NET1: variants seen among roughly 807,000 people sequenced by gnomAD.
The protein encoded by NET1 is neuroepithelial cell transforming 1, also known as neuroepithelial cell-transforming gene 1 protein.
Under a neutral mutation model 61.1 loss-of-function variants are expected in NET1, and 42 were observed. The observed-to-expected ratio is 0.69, with a 90% CI of 0.54 to 0.89. The LOEUF is 0.89. Among genes scored for constraint, NET1 ranks in the 40% least tolerant of loss-of-function variants. NET1 has a pLI of 0.00. For missense variants in NET1, 654 were observed against 747.3 expected (o/e 0.88, Z 1.46); for synonymous variants, 254 against 281.8 (o/e 0.90, Z 0.99).
rs1464377291 is a variant in NET1, at chr10:5,427,110, A to G, written c.195+389A>G. ...TGCACATTGTGTATATATATTTAATATATATAATGAATGATTTTCTGCTAT... is the reference window on the plus strand; with the variant it reads ...TGCACATTGTGTATATATATTTAATGTATATAATGAATGATTTTCTGCTAT... On this transcript the variant is annotated intron_variant, in intron 2 of 11. Transcript: ENST00000355029. The surrounding 1 kb of genome is among the most constrained non-coding windows in gnomAD (Gnocchi z 4.1). 6.6e-6 allele frequency among the ~76,000 whole-genome samples: 1 copy of G among 151,870 alleles called. No homozygotes were observed. Among genetic ancestry groups the G allele is most frequent in the East Asian group, 1.9e-4 (1 of 5,194 alleles).
intron 3 of NET1, among the ~76,000 whole-genome samples, chr10:5,436,182 TGTGTTGTGTGTGTGTGTG>T (rs1257941063): frequency 9.0e-5 from 5 of 55,300 alleles, no homozygotes; most frequent in African/African-American, 2.0e-4. Context: ...TGTGTGTGTG[TGTGTTGTGTGTGTGTGTG>T]TGTGTGTGTG....
intron 1 of NET1, among the ~76,000 whole-genome samples, chr10:5,419,570 A>C (rs566088027): frequency 6.6e-6 from 1 of 152,178 alleles, no homozygotes; most frequent in African/African-American, 2.4e-5. Flanking sequence ...CACTGCTTTT[A>C]CTAGGCTTTT....
In NET1 at chr10:5,454,611, A is replaced by G. The variant is rs749346073; in HGVS notation, c.1026+89A>G. 54 of 1,430,300 alleles carry G rather than the reference A, an allele frequency of 3.8e-5. No homozygotes were observed. Among genetic ancestry groups the G allele is most frequent in the Non-Finnish European group, 4.8e-5 (51 of 1,053,566 alleles). The allele number at this position is 1,430,300 out of a possible 1,614,324, so 88.6% of individuals were successfully genotyped here. On this transcript the variant is annotated intron_variant, in intron 9 of 11. Transcript: ENST00000355029. The surrounding 1 kb of genome is among the most constrained non-coding windows in gnomAD (Gnocchi z 8.1). ...TTATCTTCTGAAGATGCTGATTCAC[A>G]TCAGCATAGTGAATTGTTTTGTTGT...
Position 5,437,649 on chromosome 10 carries a change from ACT to A in NET1, c.255+8423_255+8424del, listed in dbSNP as rs1420969508. Among the ~76,000 whole-genome samples the A allele has an allele frequency of 1.5e-5, 2 of 133,362 alleles. No individual in the cohort carries two copies. The highest frequency in any genetic ancestry group is 5.6e-5 in the African/African-American group (2 of 35,432). 87.5% of individuals were successfully genotyped at this position (133,362 alleles called of 152,430 possible). A position where few individuals can be genotyped will look rare whatever the true frequency, so the allele number is the denominator to read the frequency against. ...TATTCATAACCGAGTACCCTTTTCA[ACT>A]CTGTATTTTCCCTAGTATTTTTTTT... On this transcript the variant is annotated intron_variant, in intron 3 of 11. Coordinates refer to ENST00000355029, the MANE Select transcript of NET1 (RefSeq NM_001047160.3). This position sits in a 1 kb window ranked among gnomAD's most constrained non-coding sequence, Gnocchi z 4.3.
At position 5,422,828 on chromosome 10, in the gene NET1, C is replaced by T. The variant is rs1832197847; in HGVS notation, c.129-3827C>T. On this transcript the variant is annotated intron_variant, in intron 1 of 11. Coordinates refer to ENST00000355029, the MANE Select transcript of NET1 (RefSeq NM_001047160.3). The surrounding 1 kb of genome is among the most constrained non-coding windows in gnomAD (Gnocchi z 4.1). Reference sequence around the variant, plus strand: ...CCAAAACAGTAGTGGATGTCTACTACATCAGATATTTGACCCAAATAAATG... The same window carrying T: ...CCAAAACAGTAGTGGATGTCTACTATATCAGATATTTGACCCAAATAAATG... Among the ~76,000 whole-genome samples the T allele has an allele frequency of 6.6e-6, 1 of 152,190 alleles. No individual in the cohort carries two copies. The highest frequency in any genetic ancestry group is 2.4e-5 in the African/African-American group (1 of 41,436).
Position 5,451,963 on chromosome 10 carries a change from G to A in NET1, c.363+26G>A, listed in dbSNP as rs1832713141. On this transcript the variant is annotated intron_variant, in intron 4 of 11. Transcript: ENST00000355029. The surrounding 1 kb of genome is among the most constrained non-coding windows in gnomAD (Gnocchi z 6.1). ...GTAAAAAGAGAGGAGGAAGAGTAAT[G>A]TAGTCAGCGGACTTTATAGAAGCCT... 6.5e-7 allele frequency: 1 copy of A among 1,549,922 alleles called. No individual in the cohort carries two copies. The highest frequency in any genetic ancestry group is 8.9e-7 in the Non-Finnish European group (1 of 1,124,084).
In NET1 at chr10:5,431,661, G is replaced by A. The variant is rs780237959; in HGVS notation, c.255+2432G>A. Reference sequence around the variant, plus strand: ...TCCTTTGTCAGTTTTCAACAATAACGAATTCTATTCATTAGCATTCTCTGA... The same window carrying A: ...TCCTTTGTCAGTTTTCAACAATAACAAATTCTATTCATTAGCATTCTCTGA... On this transcript the variant is annotated intron_variant, in intron 3 of 11. Coordinates refer to ENST00000355029, the MANE Select transcript of NET1 (RefSeq NM_001047160.3). The surrounding 1 kb of genome is among the most constrained non-coding windows in gnomAD (Gnocchi z 4.9). 5.3e-5 allele frequency among the ~76,000 whole-genome samples: 8 copies of A among 151,894 alleles called. No homozygotes were observed. The highest frequency in any genetic ancestry group is 2.1e-4 in the South Asian group (1 of 4,786).
rs776880806 is a variant in NET1, at chr10:5,452,532, T to C, written c.531+7T>C. 6.2e-7 allele frequency: 1 copy of C among 1,606,542 alleles called. No homozygotes were observed. The highest frequency in any genetic ancestry group is 1.3e-5 in the African/African-American group (1 of 74,742). On this transcript the variant is annotated splice_region_variant and intron_variant, in intron 5 of 11. Coordinates refer to ENST00000355029, the MANE Select transcript of NET1 (RefSeq NM_001047160.3). This position sits in a 1 kb window ranked among gnomAD's most constrained non-coding sequence, Gnocchi z 4.0. ...GGAGATCAGACGGCAGGAGGTATGC[T>C]GGCACTCAGTGTACATGTTTTCCCA...
chr10:5,442,860 G>C (rs547974175), intron 3 of NET1, among the ~76,000 whole-genome samples: 44 of 136,780 alleles, frequency 3.2e-4, no homozygotes, highest in Admixed American at 1.3e-3. Context: ...CTGGACAACA[G>C]AGCAAGACCC....
At chr10:5,445,838 C>G (rs1172605584) in intron 3 of NET1, among the ~76,000 whole-genome samples, 3 of 152,172 alleles carry the variant, frequency 2.0e-5, no homozygotes, top group Non-Finnish European at 4.4e-5. Flanking sequence ...ATATCAAGAT[C>G]AGTTAATTCA....
Position 5,440,801 on chromosome 10 carries a change from G to A in NET1, c.256-11029G>A, listed in dbSNP as rs796503320. Among the ~76,000 whole-genome samples, 5 of 152,258 alleles carry A rather than the reference G, an allele frequency of 3.3e-5. No homozygotes were observed. The highest frequency in any genetic ancestry group is 1.2e-4 in the African/African-American group (5 of 41,534). On this transcript the variant is annotated intron_variant, in intron 3 of 11. Transcript: ENST00000355029. This position sits in a 1 kb window ranked among gnomAD's most constrained non-coding sequence, Gnocchi z 4.1. ...CTTGTTCATTTGCCACCACTACTAT[G>A]TAAGGCATTGCCTCACTACTCTGTG... is the stretch of plus-strand genomic sequence containing the variant.
rs1000759825 is a variant in NET1 at position 5,451,802 on chromosome 10, T to C, written c.256-28T>C. 1.3e-6 allele frequency: 2 copies of C among 1,566,262 alleles called. No individual in the cohort carries two copies. Among genetic ancestry groups the C allele is most frequent in the Non-Finnish European group, 1.8e-6 (2 of 1,137,878 alleles). ...TGAAATCATTGCACCTAGACATATA[T>C]TTAGTGTCATCTGGTTTGTTTTTAT... On this transcript the variant is annotated intron_variant, in intron 3 of 11. Coordinates refer to ENST00000355029, the MANE Select transcript of NET1 (RefSeq NM_001047160.3). The surrounding 1 kb of genome is among the most constrained non-coding windows in gnomAD (Gnocchi z 6.1).
At position 5,422,261 on chromosome 10, in the gene NET1, C is replaced by T. The variant is rs939452408; in HGVS notation, c.129-4394C>T. ...TTGAGGCAGGAGAATCGCTTGAACC[C>T]TGGAGGCGGAGGTTGTAGTGAGCCG... On this transcript the variant is annotated intron_variant, in intron 1 of 11. Coordinates refer to ENST00000355029, the MANE Select transcript of NET1 (RefSeq NM_001047160.3). The surrounding 1 kb of genome is among the most constrained non-coding windows in gnomAD (Gnocchi z 4.1). Among the ~76,000 whole-genome samples, 30 of 151,844 alleles carry T rather than the reference C, an allele frequency of 2.0e-4. No individual in the cohort carries two copies. Among genetic ancestry groups the T allele is most frequent in the African/African-American group, 6.8e-4 (28 of 41,312 alleles).
Position 5,437,239 on chromosome 10 carries a change from A to G in NET1, c.255+8010A>G, listed in dbSNP as rs1335344908. Among the ~76,000 whole-genome samples the G allele has an allele frequency of 6.6e-6, 1 of 152,024 alleles. No individual in the cohort carries two copies. The highest frequency in any genetic ancestry group is 1.9e-4 in the East Asian group (1 of 5,194). ...CAGATTGTTTTCTTTTTATTTATCT[A>G]TTTTCATACAGTATGTGTAATGACT... On this transcript the variant is annotated intron_variant, in intron 3 of 11. Transcript: ENST00000355029. This position sits in a 1 kb window ranked among gnomAD's most constrained non-coding sequence, Gnocchi z 4.3.
intron 1 of NET1, among the ~76,000 whole-genome samples, chr10:5,414,025 T>C (rs1355552000): frequency 6.6e-6 from 1 of 152,190 alleles, no homozygotes; most frequent in Non-Finnish European, 1.5e-5. Flanking sequence ...TCCCTGAGTC[T>C]TTAAGGACCA....
rs767299959 is a variant in NET1, at chr10:5,428,038, C to CCTTTTTTTTTTTTTTTTTTTTTTTT, written c.196-1132_196-1131insCTTTTTTTTTTTTTTTTTTTTTTTT. On this transcript the variant is annotated intron_variant, in intron 2 of 11. Coordinates refer to ENST00000355029, the MANE Select transcript of NET1 (RefSeq NM_001047160.3). ...CACTTCTATCTGGACTTTGCCGTTC[C>CCTTTTTTTTTTTTTTTTTTTTTTTT]TTTTTTTTTTTTTTTTTTTTTTTTT... 7.0e-5 allele frequency among the ~76,000 whole-genome samples: 8 copies of CCTTTTTTTTTTTTTTTTTTTTTTTT among 113,904 alleles called. 3 individuals carry two copies. The highest frequency in any genetic ancestry group is 8.9e-5 in the Non-Finnish European group (5 of 56,156). 74.7% of individuals were successfully genotyped at this position (113,904 alleles called of 152,430 possible). A position where few individuals can be genotyped will look rare whatever the true frequency, so the allele number is the denominator to read the frequency against.
Position 5,452,988 on chromosome 10 carries a change from A to T in NET1, c.594+68A>T. 9.0e-7 allele frequency: 1 copy of T among 1,111,678 alleles called. No homozygotes were observed. The highest frequency in any genetic ancestry group is 1.4e-6 in the Non-Finnish European group (1 of 731,844). The allele number at this position is 1,111,678 out of a possible 1,614,324, so 68.9% of individuals were successfully genotyped here. On this transcript the variant is annotated intron_variant, in intron 6 of 11. Coordinates refer to ENST00000355029, the MANE Select transcript of NET1 (RefSeq NM_001047160.3). The surrounding 1 kb of genome is among the most constrained non-coding windows in gnomAD (Gnocchi z 4.0). The stretch of plus-strand genomic sequence containing the variant: ...TTACATTTCACAAAATCTAAAGGAT[A>T]GTTTTCTTAACCTTTAGAAGTAGAA...
Position 5,426,966 on chromosome 10 carries a change from C to T in NET1, c.195+245C>T, listed in dbSNP as rs767144393. Among the ~76,000 whole-genome samples the T allele has an allele frequency of 6.6e-6, 1 of 152,106 alleles. No homozygotes were observed. Among genetic ancestry groups the T allele is most frequent in the Non-Finnish European group, 1.5e-5 (1 of 68,006 alleles). On this transcript the variant is annotated intron_variant, in intron 2 of 11. Coordinates refer to ENST00000355029, the MANE Select transcript of NET1 (RefSeq NM_001047160.3). This position sits in a 1 kb window ranked among gnomAD's most constrained non-coding sequence, Gnocchi z 4.6. ...ACATCTATTAATCTTTAACTCTATG[C>T]CATCCTTTCTCTTATTCCTTTCAAT...
At chr10:5,442,568 C>T (rs980672164) in intron 3 of NET1, among the ~76,000 whole-genome samples, 2 of 152,142 alleles carry the variant, frequency 1.3e-5, no homozygotes, top group Non-Finnish European at 2.9e-5. Flanking sequence ...CCAATCTGTG[C>T]CTCAGTTACG....
Sources: allele counts gnomAD v4.1 joint callset (sites outside exome capture counted in the v4.1 genomes callset), GRCh38; gene constraint gnomAD v4.1.1; non-coding constraint Gnocchi (gnomAD v3.1); transcripts MANE v1.5; gene names NCBI Gene and HGNC (gene_info 2026-07-23, HGNC 2026-07-21).